Variants in GRIA3 observed in about 807,000 individuals in gnomAD.
The protein encoded by GRIA3 is glutamate ionotropic receptor AMPA type subunit 3.
In GRIA3, 3 loss-of-function variants were observed where a neutral mutation model predicts 63.0. The observed-to-expected ratio is 0.05, with a 90% confidence interval of 0.02 to 0.12. The LOEUF is 0.12. Among genes scored for constraint, GRIA3 ranks in the 10% least tolerant of loss-of-function variants. GRIA3 has a pLI of 1.00. For synonymous variants in GRIA3, 274 were observed against 257.9 expected, an observed-to-expected ratio of 1.06 and a Z score of -0.60; for missense variants, 347 against 700.9, an observed-to-expected ratio of 0.50 and a Z score of 5.70.
intron 10 of GRIA3, among the ~76,000 whole-genome samples, chrX:123,414,844 C>G (rs2045527844): frequency 4.5e-5 from 5 of 111,075 alleles, no homozygotes; most frequent in African/African-American, 1.6e-4. Context: ...GGGTTGGTTC[C>G]AAGTCTTTGC....
chrX:123,305,902 A>G (rs1433834185), intron 3 of GRIA3, among the ~76,000 whole-genome samples: 1 of 112,341 alleles, frequency 8.9e-6, no homozygotes. Context: ...GGTAGACAGA[A>G]TAGCTGAAGA....
chrX:123,425,422 A>G (rs1435415005), intron 11 of GRIA3, among the ~76,000 whole-genome samples: 2 of 112,050 alleles, frequency 1.8e-5, no homozygotes, highest in Non-Finnish European at 3.8e-5. Context: ...AGAAGTGCTC[A>G]ATAAGTATTA....
chrX:123,320,606 G>C (rs1040503321), intron 3 of GRIA3, among the ~76,000 whole-genome samples: 1 of 111,425 alleles, frequency 9.0e-6, no homozygotes, highest in Non-Finnish European at 1.9e-5. Flanking sequence ...GAAGAGAAAA[G>C]GACATGAGGA....
chrX:123,289,620 C>T (rs925214174), intron 3 of GRIA3, among the ~76,000 whole-genome samples: 1 of 109,182 alleles, frequency 9.2e-6, no homozygotes, highest in Non-Finnish European at 1.9e-5. Context: ...TCCCAATATT[C>T]GGTTTGGATA....
chrX:123,210,545 G>A (rs1345389416), intron 2 of GRIA3, among the ~76,000 whole-genome samples: 1 of 111,070 alleles, frequency 9.0e-6, no homozygotes, highest in African/African-American at 3.3e-5. Context: ...TCCTTTCTGG[G>A]CATGAGTTTC....
At chrX:123,359,355 A>G (rs975363138) in intron 5 of GRIA3, among the ~76,000 whole-genome samples, 7 of 111,428 alleles carry the variant, frequency 6.3e-5, no homozygotes, top group African/African-American at 2.0e-4. Flanking sequence ...ATGGCAAAAA[A>G]TTGAAAAGGT....
intron 5 of GRIA3, among the ~76,000 whole-genome samples, chrX:123,372,564 T>C (rs1015700479): frequency 9.8e-5 from 11 of 111,957 alleles, no homozygotes; most frequent in African/African-American, 3.2e-4. Flanking sequence ...CAGAGTTTTA[T>C]AGCGTTCATT....
intron 2 of GRIA3, among the ~76,000 whole-genome samples, chrX:123,225,172 G>C (rs143950282): frequency 1.8e-3 from 200 of 111,766 alleles, no homozygotes; most frequent in Non-Finnish European, 3.2e-3. Context: ...CAAGTCAACC[G>C]GTGTCTCTAA....
chrX:123,245,327 A>T (rs143340359), intron 2 of GRIA3, among the ~76,000 whole-genome samples: 2,357 of 111,719 alleles, frequency 0.021, 40 homozygotes, highest in East Asian at 0.1. Flanking sequence ...TTTTATGGGC[A>T]GTTAGAAATG....
At chrX:123,465,896 G>A in intron 13 of GRIA3, 1 of 631,491 alleles carries the variant, frequency 1.6e-6, no homozygotes, top group Non-Finnish European at 2.6e-6. Flanking sequence ...AAAGTGGAAT[G>A]ACCAGGTTAT....
At chrX:123,186,999 G>A (rs867864639) in intron 2 of GRIA3, among the ~76,000 whole-genome samples, 47 of 112,499 alleles carry the variant, frequency 4.2e-4, no homozygotes, top group African/African-American at 1.4e-3. Context: ...AATACTTCAT[G>A]TAAGCTTATT....
chrX:123,345,092 G>A (rs1450355394), intron 4 of GRIA3, among the ~76,000 whole-genome samples: 1 of 110,990 alleles, frequency 9.0e-6, no homozygotes, highest in African/African-American at 3.3e-5. Flanking sequence ...TTGGCCTCAA[G>A]GGAATGTAGA....
At chrX:123,386,175 G>A (rs1603127223) in intron 5 of GRIA3, among the ~76,000 whole-genome samples, 1 of 111,281 alleles carries the variant, frequency 9.0e-6, no homozygotes. Context: ...GTTTTAATTT[G>A]TATTTCCCAT....
intron 11 of GRIA3, among the ~76,000 whole-genome samples, chrX:123,423,046 A>G (rs2045571077): frequency 8.9e-6 from 1 of 112,331 alleles, no homozygotes; most frequent in African/African-American, 3.2e-5. Flanking sequence ...AGCAGTCCAG[A>G]GTCCAAGTCC....
At chrX:123,325,220 T>C (rs1015118234) in intron 3 of GRIA3, among the ~76,000 whole-genome samples, 1 of 112,048 alleles carries the variant, frequency 8.9e-6, no homozygotes, top group Non-Finnish European at 1.9e-5. Flanking sequence ...ACTCTTGTGC[T>C]ATTCTTATGG....
At position 123,428,156 on chromosome X, in the gene GRIA3, T is replaced by A; in HGVS notation, c.2076+17T>A. 9.7e-7 allele frequency: 1 copy of A among 1,030,395 alleles called. No individual in the cohort carries two copies. 84.9% of individuals were successfully genotyped at this position (1,030,395 alleles called of 1,213,427 possible). A position where few individuals can be genotyped will look rare whatever the true frequency, so the allele number is the denominator to read the frequency against. ...TTTTTCAGAGTAAGTGCTCTGCAGTTAATTGAGCCTGCTGATATTTATTTT... is the reference window on the plus strand; with the variant it reads ...TTTTTCAGAGTAAGTGCTCTGCAGTAAATTGAGCCTGCTGATATTTATTTT... On this transcript the variant is annotated intron_variant, in intron 12 of 15. Transcript: ENST00000620443.
chrX:123,214,422 T>G (rs1448550400), intron 2 of GRIA3, among the ~76,000 whole-genome samples: 1 of 111,630 alleles, frequency 9.0e-6, no homozygotes, highest in Admixed American at 9.5e-5. Flanking sequence ...AAGTTCAATG[T>G]TCATCTAAGA....
intron 10 of GRIA3, among the ~76,000 whole-genome samples, chrX:123,415,923 T>A (rs1287133606): frequency 8.9e-6 from 1 of 111,997 alleles, no homozygotes; most frequent in Admixed American, 9.4e-5. Flanking sequence ...GATAATTGCA[T>A]ATAAAAGTAG....
chrX:123,460,389 T>C (rs931204225), intron 12 of GRIA3, among the ~76,000 whole-genome samples: 8 of 111,784 alleles, frequency 7.2e-5, no homozygotes, highest in Admixed American at 2.9e-4. Context: ...AAACAGCTCT[T>C]TATAAATGCA....
Sources: gnomAD v4.1 joint callset for allele counts (sites outside exome capture counted in the v4.1 genomes callset) on GRCh38, gnomAD v4.1.1 for gene constraint, MANE v1.5 for transcripts, NCBI Gene and HGNC (gene_info 2026-07-23, HGNC 2026-07-21) for gene names.